The following TAF1B variants were observed in gnomAD, a reference collection of about 807,000 sequenced individuals.
TAF1B encodes the protein TATA box-binding protein-associated factor RNA polymerase I subunit B.
TAF1B carries 61 observed loss-of-function variants against 83.9 expected under a neutral mutation model. That is an observed-to-expected ratio of 0.73 (90% confidence interval 0.59 to 0.90). The LOEUF (loss-of-function observed/expected upper bound fraction) is 0.90, where lower values mean the gene tolerates loss of function less well. TAF1B is among the 40% of genes least tolerant of loss of function. The probability of loss-of-function intolerance (pLI) is 0.00; values close to 1 mark genes in which losing one functional copy is unlikely to be tolerated. For missense variants in TAF1B, 625 were observed against 677.0 expected, an observed-to-expected ratio of 0.92 and a Z score of 0.85; for synonymous variants, 221 against 224.6, an observed-to-expected ratio of 0.98 and a Z score of 0.14.
chr2:9,854,479 G>A, intron 5 of TAF1B, 58 bp downstream of exon 5: 5 of 1,296,314 alleles, frequency 3.9e-6, no homozygotes, highest in Admixed American at 1.7e-5. Context: ...ATGTAGAGAT[G>A]AAGATGGGTT....
At chr2:9,894,061 A>G (rs749976241) in intron 8 of TAF1B, among the ~76,000 whole-genome samples, 6 of 151,646 alleles carry the variant, frequency 4.0e-5, no homozygotes, top group Admixed American at 6.6e-5. Flanking sequence ...ATTTGTTTGT[A>G]TATGTCTTAC....
chr2:9,921,287 T>A (rs930661441), intron 14 of TAF1B, among the ~76,000 whole-genome samples: 1 of 152,076 alleles, frequency 6.6e-6, no homozygotes, highest in African/African-American at 2.4e-5. Context: ...GACGAGGGTC[T>A]CCCTATGCTG....
intron 5 of TAF1B, among the ~76,000 whole-genome samples, chr2:9,860,702 C>A (rs1186400503): frequency 6.6e-6 from 1 of 152,060 alleles, no homozygotes; most frequent in Non-Finnish European, 1.5e-5. Context: ...CTCTGGAAAC[C>A]AAGGGAACAA....
At chr2:9,912,601 C>T (rs769925591) in intron 11 of TAF1B, among the ~76,000 whole-genome samples, 4 of 152,144 alleles carry the variant, frequency 2.6e-5, no homozygotes, top group Non-Finnish European at 5.9e-5. Flanking sequence ...ATAAACAGAG[C>T]GCTTTGACCT....
At chr2:9,922,260 A>G (rs1175574223) in intron 14 of TAF1B, among the ~76,000 whole-genome samples, 1 of 152,170 alleles carries the variant, frequency 6.6e-6, no homozygotes, top group Non-Finnish European at 1.5e-5. Flanking sequence ...AGTGGCTCCC[A>G]TCTCATTGAA....
rs755332569 is a variant in TAF1B at position 9,849,452 on chromosome 2, A to AG, written c.197_198insG (p.Asn66LysfsTer4). 3.5e-5 allele frequency: 55 copies of AG among 1,553,254 alleles called. No homozygotes were observed. The highest frequency in any genetic ancestry group is 4.8e-5 in the Non-Finnish European group (55 of 1,150,470). Reference sequence around the variant, plus strand: ...CTCAACCGGGGGCTTAAAAAAAAAAACAATACTGGTAAGTTCTTTCTTCAT... The same window carrying AG: ...CTCAACCGGGGGCTTAAAAAAAAAAAGCAATACTGGTAAGTTCTTTCTTCAT... On this transcript the variant is annotated frameshift_variant, in exon 3 of 15. Transcript: ENST00000263663. LOFTEE classifies it high-confidence loss of function.
intron 14 of TAF1B, among the ~76,000 whole-genome samples, chr2:9,930,423 C>T (rs533757606): frequency 6.6e-6 from 1 of 151,722 alleles, no homozygotes; most frequent in South Asian, 2.1e-4. Context: ...TCGTTATTTA[C>T]CCCATAGTCA....
intron 7 of TAF1B, among the ~76,000 whole-genome samples, chr2:9,876,910 T>A (rs1664336825): frequency 6.6e-6 from 1 of 152,220 alleles, no homozygotes; most frequent in Non-Finnish European, 1.5e-5. Flanking sequence ...TGCTAGTCAT[T>A]ACTGTTTTTG....
At position 9,846,851 on chromosome 2, in the gene TAF1B, T is replaced by C. The variant is rs191384946; in HGVS notation, c.117+1533T>C. Among the ~76,000 whole-genome samples the C allele has an allele frequency of 7.9e-5, 12 of 152,320 alleles. No homozygotes were observed. In the East Asian group the frequency reaches 1.7e-3, roughly 22 times the overall value. On this transcript the variant is annotated intron_variant, in intron 2 of 14. Coordinates refer to ENST00000263663, the MANE Select transcript of TAF1B (RefSeq NM_005680.3). ...CATGGAGATATATTTTGTGTGTGTG[T>C]CTGTGTGTGTCAGATTGTGCACCTG...
chr2:9,880,289 A>T (rs1294668386), intron 7 of TAF1B, among the ~76,000 whole-genome samples: 2 of 151,934 alleles, frequency 1.3e-5, no homozygotes, highest in African/African-American at 4.8e-5. Context: ...ACATGGCTAA[A>T]CTCTGTTGGT....
chr2:9,856,514 T>C (rs1042753932), intron 5 of TAF1B, among the ~76,000 whole-genome samples: 1 of 152,224 alleles, frequency 6.6e-6, no homozygotes, highest in Admixed American at 6.5e-5. Flanking sequence ...TATATGGTTC[T>C]AAGGTAACAC....
intron 5 of TAF1B, among the ~76,000 whole-genome samples, chr2:9,866,114 C>A (rs1424486832): frequency 6.7e-6 from 1 of 150,068 alleles, no homozygotes; most frequent in East Asian, 2.0e-4. Flanking sequence ...AGAGCTTCTG[C>A]ACAGCAAAAG....
intron 5 of TAF1B, among the ~76,000 whole-genome samples, chr2:9,859,543 T>C (rs1318434720): frequency 6.6e-6 from 1 of 152,042 alleles, no homozygotes; most frequent in Non-Finnish European, 1.5e-5. Flanking sequence ...CATGCCACCA[T>C]GCCCAACTAC....
At chr2:9,930,021 C>T (rs559914569) in intron 14 of TAF1B, among the ~76,000 whole-genome samples, 14 of 152,080 alleles carry the variant, frequency 9.2e-5, no homozygotes, top group African/African-American at 3.1e-4. Context: ...TCTGTGGGAT[C>T]GGTGGTGATA....
At chr2:9,847,600 A>G (rs554312916) in intron 2 of TAF1B, among the ~76,000 whole-genome samples, 2 of 152,268 alleles carry the variant, frequency 1.3e-5, no homozygotes, top group African/African-American at 2.4e-5. Context: ...AAGGCCTTCC[A>G]GATTGATAAA....
chr2:9,929,851 C>T (rs1666159982), intron 14 of TAF1B, among the ~76,000 whole-genome samples: 1 of 152,164 alleles, frequency 6.6e-6, no homozygotes, highest in African/African-American at 2.4e-5. Context: ...TAATTATTGC[C>T]TCAATTTCAG....
intron 14 of TAF1B, among the ~76,000 whole-genome samples, chr2:9,923,813 G>C (rs1665954582): frequency 6.6e-6 from 1 of 152,218 alleles, no homozygotes; most frequent in South Asian, 2.1e-4. Context: ...ATGATTTTCA[G>C]ATTTTATCCT....
At chr2:9,874,823 G>A (rs1028681927) in intron 6 of TAF1B, among the ~76,000 whole-genome samples, 2 of 152,182 alleles carry the variant, frequency 1.3e-5, no homozygotes, top group East Asian at 1.9e-4. Flanking sequence ...GAGAGGCCTT[G>A]TAGAGAAGGG....
At chr2:9,912,065 C>T (rs553660873) in intron 11 of TAF1B, among the ~76,000 whole-genome samples, 31 of 152,342 alleles carry the variant, frequency 2.0e-4, no homozygotes, top group Admixed American at 5.9e-4. Context: ...CTGCCGCAGT[C>T]ACTCTTGTTC....
Sources: gnomAD v4.1 joint callset for allele counts (sites outside exome capture counted in the v4.1 genomes callset) on GRCh38, gnomAD v4.1.1 for gene constraint, MANE v1.5 for transcripts, NCBI Gene and HGNC (gene_info 2026-07-23, HGNC 2026-07-21) for gene names.